CAMKMT: variants seen among roughly 807,000 people sequenced by gnomAD.
CAMKMT encodes the protein CaM KMT.
Under a neutral mutation model 48.0 loss-of-function variants are expected in CAMKMT, and 53 were observed. The observed-to-expected ratio is 1.10, with a 90% CI of 0.89 to 1.39. CAMKMT has a LOEUF of 1.39. Ranked by LOEUF, CAMKMT falls within the 40% of genes most tolerant of loss-of-function variation. The pLI, the probability that CAMKMT is intolerant of heterozygous loss-of-function variation, is 0.00. For synonymous variants in CAMKMT, 165 were observed against 152.3 expected (o/e 1.08, Z -0.61); for missense variants, 428 against 402.7 (o/e 1.06, Z -0.54).
intron 3 of CAMKMT, among the ~76,000 whole-genome samples, chr2:44,413,722 T>C (rs1019804148): frequency 1.1e-4 from 17 of 151,934 alleles, no homozygotes; most frequent in Non-Finnish European, 2.1e-4. Context: ...ATTTGTTGAA[T>C]TGAAAATTAT....
chr2:44,489,680 A>T (rs1176811514), intron 3 of CAMKMT, among the ~76,000 whole-genome samples: 2 of 152,230 alleles, frequency 1.3e-5, no homozygotes, highest in Non-Finnish European at 2.9e-5. Context: ...GAGAAGTAGC[A>T]ATTGTGATTC....
chr2:44,737,912 G>T (rs1381135111), intron 7 of CAMKMT, among the ~76,000 whole-genome samples: 2 of 150,138 alleles, frequency 1.3e-5, no homozygotes, highest in African/African-American at 4.9e-5. Flanking sequence ...CTGGAGTGCA[G>T]TGGTGTGATC....
chr2:44,488,315 A>C (rs1008416919), intron 3 of CAMKMT, among the ~76,000 whole-genome samples: 1 of 152,162 alleles, frequency 6.6e-6, no homozygotes, highest in East Asian at 1.9e-4. Context: ...AGCCTGACCA[A>C]CATGGTGAAA....
chr2:44,397,362 C>G (rs1044890034), intron 3 of CAMKMT, among the ~76,000 whole-genome samples: 1 of 152,158 alleles, frequency 6.6e-6, no homozygotes, highest in South Asian at 2.1e-4. Flanking sequence ...ATCAGCAGCC[C>G]TGAGAGTATA....
chr2:44,375,223 G>A (rs1679563014), intron 2 of CAMKMT, among the ~76,000 whole-genome samples: 1 of 151,614 alleles, frequency 6.6e-6, no homozygotes, highest in Non-Finnish European at 1.5e-5. Flanking sequence ...CAAAGCAGTG[G>A]TTTAGAAGTA....
chr2:44,739,571 A>T (rs568710908), intron 7 of CAMKMT, among the ~76,000 whole-genome samples: 1 of 152,340 alleles, frequency 6.6e-6, no homozygotes, highest in East Asian at 1.9e-4. Context: ...GAAGTTGGAT[A>T]TATGAATCTA....
At chr2:44,500,829 G>A (rs961925365) in intron 3 of CAMKMT, among the ~76,000 whole-genome samples, 2 of 151,448 alleles carry the variant, frequency 1.3e-5, no homozygotes, top group East Asian at 1.9e-4. Context: ...TTATAGGCAC[G>A]CACCATCACA....
At chr2:44,395,246 T>G (rs1681721668) in intron 3 of CAMKMT, among the ~76,000 whole-genome samples, 1 of 152,170 alleles carries the variant, frequency 6.6e-6, no homozygotes, top group Non-Finnish European at 1.5e-5. Context: ...TAAAGATGTC[T>G]ATATATGTAA....
chr2:44,408,402 A>G (rs1682934895), intron 3 of CAMKMT, among the ~76,000 whole-genome samples: 1 of 152,094 alleles, frequency 6.6e-6, no homozygotes, highest in Admixed American at 6.5e-5. Context: ...GTAAAATGAT[A>G]ATAGTAGCTC....
chr2:44,381,074 C>T (rs1315854509), intron 2 of CAMKMT, among the ~76,000 whole-genome samples: 4 of 152,050 alleles, frequency 2.6e-5, no homozygotes, highest in African/African-American at 4.8e-5. Context: ...GCAGGAGAAT[C>T]GCTTGAACCC....
chr2:44,370,909 C>G (rs766359141), intron 1 of CAMKMT, among the ~76,000 whole-genome samples: 2 of 152,224 alleles, frequency 1.3e-5, no homozygotes, highest in Non-Finnish European at 2.9e-5. Context: ...CTCCTATGCT[C>G]AAGCAATCCT....
At chr2:44,474,762 T>G (rs698808) in intron 3 of CAMKMT, among the ~76,000 whole-genome samples, 116,120 of 152,042 alleles carry the variant, frequency 0.76, 44,463 homozygotes, top group South Asian at 0.88. Context: ...ATAACATTGC[T>G]TGATATCTCT....
At chr2:44,371,615 A>G (rs1162643042) in intron 1 of CAMKMT, among the ~76,000 whole-genome samples, 2 of 152,214 alleles carry the variant, frequency 1.3e-5, no homozygotes, top group Non-Finnish European at 2.9e-5. Context: ...GAACAATACA[A>G]TAATCATTCA....
chr2:44,726,476 T>C (rs1205488614), intron 7 of CAMKMT, among the ~76,000 whole-genome samples: 3 of 152,216 alleles, frequency 2.0e-5, no homozygotes, highest in African/African-American at 7.2e-5. Context: ...AATGAGGTTA[T>C]TGTTTTTTGC....
chr2:44,579,113 T>C (rs1456294795), intron 3 of CAMKMT, among the ~76,000 whole-genome samples: 1 of 152,246 alleles, frequency 6.6e-6, no homozygotes, highest in East Asian at 1.9e-4. Flanking sequence ...ATAGCTGTCA[T>C]TGGCAGTGTG....
intron 3 of CAMKMT, among the ~76,000 whole-genome samples, chr2:44,660,594 C>T (rs1674627157): frequency 6.6e-6 from 1 of 152,088 alleles, no homozygotes; most frequent in African/African-American, 2.4e-5. Context: ...AGATTTTTTC[C>T]TTGAAGATCT....
chr2:44,530,795 A>T (rs1007475609), intron 3 of CAMKMT, among the ~76,000 whole-genome samples: 28 of 152,126 alleles, frequency 1.8e-4, no homozygotes, highest in Non-Finnish European at 5.9e-5. Context: ...TCTGATTTTT[A>T]AAAATATTGT....
chr2:44,497,709 A>AAGAGAGAGAG lies in CAMKMT; in HGVS notation c.376+107429_376+107438dup, dbSNP rs70937918. Among the ~76,000 whole-genome samples the AAGAGAGAGAG allele has an allele frequency of 8.8e-3, 1,218 of 138,932 alleles. 9 individuals are homozygous for AAGAGAGAGAG. The highest frequency in any genetic ancestry group is 0.016 in the South Asian group (66 of 4,108). The allele number at this position is 138,932 out of a possible 152,430, so 91.1% of individuals were successfully genotyped here. Reference sequence around the variant, plus strand: ...GTAATTTAAAAAAATTAAGCAGGCAAAGAGAGAGAGAGAGAGAGAGAGAGA... The same window carrying AAGAGAGAGAG: ...GTAATTTAAAAAAATTAAGCAGGCAAAGAGAGAGAGAGAGAGAGAGAGAGAGAGAGAGAGA... On this transcript the variant is annotated intron_variant, in intron 3 of 10. Transcript: ENST00000378494.
chr2:44,542,611 G>A (rs1454471840), intron 3 of CAMKMT, among the ~76,000 whole-genome samples: 1 of 151,268 alleles, frequency 6.6e-6, no homozygotes, highest in Non-Finnish European at 1.5e-5. Context: ...AACTTGGCTG[G>A]CAATTCAAGG....
Sources: gnomAD v4.1 joint callset for allele counts (sites outside exome capture counted in the v4.1 genomes callset) on GRCh38, gnomAD v4.1.1 for gene constraint, MANE v1.5 for transcripts, NCBI Gene and HGNC (gene_info 2026-07-23, HGNC 2026-07-21) for gene names.